Variants in SLC5A1 observed in about 807,000 individuals in gnomAD.
SLC5A1 encodes the protein solute carrier family 5 member 1.
SLC5A1 carries 42 observed loss-of-function variants against 73.5 expected under a neutral mutation model. The ratio of observed to expected loss-of-function variants is 0.57; its 90% CI spans 0.45 to 0.74. SLC5A1 has a LOEUF of 0.74. Ranked by LOEUF, SLC5A1 falls within the 30% of genes least tolerant of loss-of-function variation. The pLI, the probability that SLC5A1 is intolerant of heterozygous loss-of-function variation, is 0.00. For missense variants in SLC5A1, 634 were observed against 855.4 expected (o/e 0.74, Z 3.23); for synonymous variants, 300 against 317.4 (o/e 0.95, Z 0.58).
At chr22:32,098,336 G>A (rs1470004856) in intron 11 of SLC5A1, among the ~76,000 whole-genome samples, 1 of 152,202 alleles carries the variant, frequency 6.6e-6, no homozygotes, top group East Asian at 1.9e-4. Context: ...TGTATGTCAT[G>A]TGACTCCCAC....
intron 12 of SLC5A1, 126 bp from the exon 13 acceptor site, chr22:32,101,896 C>G: frequency 1.3e-6 from 1 of 753,028 alleles, no homozygotes. Flanking sequence ...TGGGTTCAGA[C>G]AGCCTGGAGC....
In SLC5A1 at chr22:32,043,376, T is replaced by C. The variant is rs560363725; in HGVS notation, c.95T>C (p.Ile32Thr). The C allele has an allele frequency of 4.3e-6, 7 of 1,614,114 alleles. No homozygotes were observed. In the South Asian group the frequency reaches 7.7e-5, roughly 18 times the overall value. ...LIRNAADISI[I>T]VIYFVVVMAV... ...CGCAATGCAGCCGATATCTCCATCA[T>C]CGTTATCTACTTCGTGGTAGTGATG... The change falls in exon 1 of 15, where the codon ATC (isoleucine) becomes ACC (threonine). Residue 32 changes from isoleucine to threonine, a missense_variant. Physicochemically the swap from Ile to Thr is moderately conservative, Grantham distance 89 (BLOSUM62 -1). Coordinates refer to ENST00000266088, the MANE Select transcript of SLC5A1 (RefSeq NM_000343.4). This position sits in a 1 kb window ranked among gnomAD's most constrained non-coding sequence, Gnocchi z 6.5.
At chr22:32,048,728 G>A (rs551764061) in intron 1 of SLC5A1, among the ~76,000 whole-genome samples, 1 of 152,000 alleles carries the variant, frequency 6.6e-6, no homozygotes, top group South Asian at 2.1e-4. Flanking sequence ...GCCTTTCCTG[G>A]CTCCCTGGTC....
chr22:32,065,057 C>T (rs891112537), intron 2 of SLC5A1, among the ~76,000 whole-genome samples: 1 of 152,138 alleles, frequency 6.6e-6, no homozygotes, highest in African/African-American at 2.4e-5. Flanking sequence ...GATCCTCCCT[C>T]CTCAGCCTCC....
At chr22:32,055,822 C>T (rs2093950900) in intron 2 of SLC5A1, among the ~76,000 whole-genome samples, 1 of 152,202 alleles carries the variant, frequency 6.6e-6, no homozygotes, top group South Asian at 2.1e-4. Flanking sequence ...CAACCCTTGG[C>T]CCAAAGGTGG....
chr22:32,056,908 AATACT>A (rs2093952739), intron 2 of SLC5A1, among the ~76,000 whole-genome samples: 1 of 152,256 alleles, frequency 6.6e-6, no homozygotes, highest in Admixed American at 6.5e-5. Flanking sequence ...TAAAAGCATC[AATACT>A]TCTTCAGAAT....
Position 32,110,015 on chromosome 22 carries a change from A to C in SLC5A1, c.1797A>C (p.Lys599Asn). Residue 599 changes from lysine (K) to asparagine (N), a missense_variant, in exon 15 of 15, where the codon AAA (lysine) becomes AAC (asparagine). By Grantham distance (94) the Lys-to-Asn change is moderately conservative (BLOSUM62 0). This residue lies in a region of SLC5A1 where 161 missense variants were observed against 178.7 expected (regional missense o/e 0.90). Coordinates refer to ENST00000266088, the MANE Select transcript of SLC5A1 (RefSeq NM_000343.4). ...EIETQVPEKKKGIFRRAYDLF... is the reference protein window; with the variant it reads ...EIETQVPEKKNGIFRRAYDLF... The stretch of plus-strand genomic sequence containing the variant: ...AAACACAAGTTCCTGAGAAGAAAAA[A>C]GGAATCTTCAGGAGAGCCTATGACC... The C allele has an allele frequency of 6.2e-7, 1 of 1,614,100 alleles. No homozygotes were observed. Among genetic ancestry groups the C allele is most frequent in the Non-Finnish European group, 8.5e-7 (1 of 1,179,970 alleles).
intron 2 of SLC5A1, chr22:32,059,216 A>G (rs555433019): frequency 2.0e-6 from 2 of 985,304 alleles, no homozygotes; most frequent in South Asian, 4.7e-5. Context: ...GGGCGACAGA[A>G]AAAGACTCTG....
chr22:32,091,341 A>ACC (rs1268820716), intron 10 of SLC5A1, among the ~76,000 whole-genome samples: 12 of 128,254 alleles, frequency 9.4e-5, no homozygotes, highest in South Asian at 7.8e-4. Context: ...ACACACACAC[A>ACC]CCCCACCACC....
intron 12 of SLC5A1, among the ~76,000 whole-genome samples, chr22:32,099,685 C>A (rs2094033124): frequency 6.6e-6 from 1 of 152,034 alleles, no homozygotes; most frequent in African/African-American, 2.4e-5. Flanking sequence ...CCTCAGCCTC[C>A]CAAAGTACTA....
chr22:32,080,373 T>C (rs1412583369), intron 5 of SLC5A1, among the ~76,000 whole-genome samples: 1 of 151,524 alleles, frequency 6.6e-6, no homozygotes, highest in East Asian at 1.9e-4. Context: ...AAGCATGGAG[T>C]TGGTATTAGA....
At chr22:32,083,193 A>G in intron 7 of SLC5A1, 39 bp downstream of exon 7, 1 of 1,553,486 alleles carries the variant, frequency 6.4e-7, no homozygotes, top group Non-Finnish European at 8.9e-7. Flanking sequence ...GTGGGAGCAG[A>G]GGTAGAGGGC....
intron 2 of SLC5A1, among the ~76,000 whole-genome samples, chr22:32,066,295 C>T (rs1401838649): frequency 6.6e-6 from 1 of 152,084 alleles, no homozygotes; most frequent in Non-Finnish European, 1.5e-5. Context: ...GTCCCTAGAA[C>T]CTTTGTAAAA....
intron 5 of SLC5A1, among the ~76,000 whole-genome samples, chr22:32,071,953 C>T (rs1276759616): frequency 6.6e-6 from 1 of 152,142 alleles, no homozygotes; most frequent in African/African-American, 2.4e-5. Context: ...GGATAACAAG[C>T]ACTCACGGAC....
At chr22:32,084,106 AAC>A (rs1193174640) in intron 7 of SLC5A1, among the ~76,000 whole-genome samples, 13 of 152,222 alleles carry the variant, frequency 8.5e-5, no homozygotes, top group Admixed American at 8.5e-4. Context: ...TGAGGGAAAA[AAC>A]AGAGTCTTTG....
In SLC5A1 at chr22:32,084,426, C is replaced by T. The variant is rs370203159; in HGVS notation, c.665-13C>T. On this transcript the variant is annotated splice_polypyrimidine_tract_variant and intron_variant, in intron 7 of 14. Coordinates refer to ENST00000266088, the MANE Select transcript of SLC5A1 (RefSeq NM_000343.4). ...GGTTTCAGAATGTTCATTTCTGTAC[C>T]GATGTTTTCCAGCTTTTCACGAAGT... 22 of 1,608,562 alleles carry T rather than the reference C, an allele frequency of 1.4e-5. No individual in the cohort carries two copies. Among genetic ancestry groups the T allele is most frequent in the African/African-American group, 1.2e-4 (9 of 74,838 alleles).
rs33944365 is a variant in SLC5A1 at position 32,099,461 on chromosome 22, A to G, written c.1449+110A>G. ...TCTATTTCCCAGAGATCTTGAGCAG[A>G]CACGGATGTGCTGCTGAGGGTTTGT... On this transcript the variant is annotated intron_variant, in intron 12 of 14. Transcript: ENST00000266088. The G allele has an allele frequency of 5.0e-5, 54 of 1,082,012 alleles. 1 individual carries two copies. The African/African-American group carries it at 8.0e-4, about 16-fold the overall frequency. 67.0% of individuals were successfully genotyped at this position (1,082,012 alleles called of 1,614,324 possible).
In SLC5A1 at chr22:32,060,999, G is replaced by A. The variant is rs148778380; in HGVS notation, c.208-5936G>A. Among the ~76,000 whole-genome samples, 227 of 152,134 alleles carry A rather than the reference G, an allele frequency of 1.5e-3. 4 individuals are homozygous for A. The highest frequency in any genetic ancestry group is 2.4e-4 in the Non-Finnish European group (16 of 67,990). On this transcript the variant is annotated intron_variant, in intron 2 of 14. Coordinates refer to ENST00000266088, the MANE Select transcript of SLC5A1 (RefSeq NM_000343.4). ...AGGGCAGGCTTCTCAAACTTTGTTGGGCATAAGAATCACCCGAAGAGCTTA... is the reference window on the plus strand; with the variant it reads ...AGGGCAGGCTTCTCAAACTTTGTTGAGCATAAGAATCACCCGAAGAGCTTA...
At chr22:32,095,696 G>A (rs961485641) in intron 11 of SLC5A1, among the ~76,000 whole-genome samples, 1 of 152,178 alleles carries the variant, frequency 6.6e-6, no homozygotes, top group African/African-American at 2.4e-5. Flanking sequence ...GTATCCACTT[G>A]CATGGGATGT....
Sources: gnomAD v4.1 joint callset for allele counts (sites outside exome capture counted in the v4.1 genomes callset) on GRCh38, gnomAD v4.1.1 for gene constraint, gnomAD v4.1.1 regional missense constraint, Gnocchi (gnomAD v3.1) non-coding constraint, MANE v1.5 for transcripts, NCBI Gene and HGNC (gene_info 2026-07-23, HGNC 2026-07-21) for gene names.